NTN1: variants seen among roughly 807,000 people sequenced by gnomAD.
The protein encoded by NTN1 is netrin 1.
NTN1 carries 11 observed loss-of-function variants against 54.2 expected under a neutral mutation model. The observed-to-expected ratio is 0.20, with a 90% confidence interval of 0.13 to 0.34. NTN1 has a LOEUF of 0.34. Among genes scored for constraint, NTN1 ranks in the 10% least tolerant of loss-of-function variants. The pLI is 1.00. For missense variants in NTN1, 740 were observed against 893.1 expected (o/e 0.83, Z 2.18); for synonymous variants, 371 against 382.0 (o/e 0.97, Z 0.33).
intron 2 of NTN1, among the ~76,000 whole-genome samples, chr17:9,140,434 G>A (rs1014212899): frequency 2.0e-5 from 3 of 152,210 alleles, no homozygotes; most frequent in Admixed American, 1.3e-4. Context: ...ATAAAAAAAT[G>A]CATCTCTGAG....
intron 5 of NTN1, among the ~76,000 whole-genome samples, chr17:9,185,879 G>A (rs1341803291): frequency 1.3e-5 from 2 of 152,184 alleles, no homozygotes; most frequent in Non-Finnish European, 2.9e-5. Flanking sequence ...CCTGGGGTTT[G>A]CCCTGCACTG....
chr17:9,024,585 T>A (rs1045068642), intron 2 of NTN1, among the ~76,000 whole-genome samples: 1 of 152,202 alleles, frequency 6.6e-6, no homozygotes, highest in African/African-American at 2.4e-5. Flanking sequence ...ATTAATTGTG[T>A]CATGTTGTTG....
intron 2 of NTN1, among the ~76,000 whole-genome samples, chr17:9,056,042 T>A (rs1172815893): frequency 6.6e-6 from 1 of 150,404 alleles, no homozygotes; most frequent in Non-Finnish European, 1.5e-5. Context: ...GGACTACAGG[T>A]GCACACCATT....
intron 2 of NTN1, among the ~76,000 whole-genome samples, chr17:9,057,561 T>G (rs959480609): frequency 2.0e-5 from 3 of 152,174 alleles, no homozygotes; most frequent in Admixed American, 6.6e-5. Flanking sequence ...TTTCATTGAT[T>G]TCTCGGGTAT....
the NTN1 span, among the ~76,000 whole-genome samples, chr17:9,011,305 T>G: frequency 4.0e-5 from 6 of 151,876 alleles, no homozygotes; most frequent in Non-Finnish European, 7.4e-5. Context: ...TAGGGAAGGA[T>G]CCTTTCCTTG....
intron 3 of NTN1, chr17:9,174,372 GAGA>G (rs375906747): frequency 3.3e-5 from 5 of 152,512 alleles, no homozygotes; most frequent in African/African-American, 1.2e-4. Context: ...GAGGGTCCTG[GAGA>G]AGAAGATGCT....
At chr17:9,083,362 C>G (rs577809598) in intron 2 of NTN1, among the ~76,000 whole-genome samples, 2 of 152,380 alleles carry the variant, frequency 1.3e-5, no homozygotes, top group South Asian at 4.1e-4. Context: ...TCCCACAGTG[C>G]TGGGGTTATG....
chr17:9,023,438 C>A (rs2091860180), intron 2 of NTN1, 47 bp downstream of exon 2: 1 of 1,339,524 alleles, frequency 7.5e-7, no homozygotes, highest in Non-Finnish European at 9.5e-7. Flanking sequence ...GGGCCGCGGG[C>A]GGGAGCTGCT....
At chr17:9,024,159 G>C (rs1312094636) in intron 2 of NTN1, among the ~76,000 whole-genome samples, 1 of 152,098 alleles carries the variant, frequency 6.6e-6, no homozygotes, top group Non-Finnish European at 1.5e-5. Context: ...TTTTTAAATA[G>C]GGTTTCATTT....
chr17:9,094,844 C>T (rs1322303409), intron 2 of NTN1, among the ~76,000 whole-genome samples: 1 of 152,000 alleles, frequency 6.6e-6, no homozygotes, highest in African/African-American at 2.4e-5. Flanking sequence ...CAAAAATTAG[C>T]CAGGCATGGT....
intron 2 of NTN1, among the ~76,000 whole-genome samples, chr17:9,108,973 TTCAAGCGATTC>T (rs2092179571): frequency 1.3e-5 from 2 of 152,040 alleles, no homozygotes; most frequent in Admixed American, 6.6e-5. Flanking sequence ...GCCTCCTGGG[TTCAAGCGATTC>T]TCCTGCCTCA....
chr17:9,128,387 G>A (rs922033123), intron 2 of NTN1, among the ~76,000 whole-genome samples: 1 of 151,998 alleles, frequency 6.6e-6, no homozygotes, highest in Non-Finnish European at 1.5e-5. Context: ...GCAGGGAGAG[G>A]TGTTGAGAGG....
At chr17:9,083,728 A>G (rs1472402748) in intron 2 of NTN1, among the ~76,000 whole-genome samples, 1 of 152,240 alleles carries the variant, frequency 6.6e-6, no homozygotes, top group Non-Finnish European at 1.5e-5. Context: ...TAGAGGACAT[A>G]GAAGGACAGG....
At chr17:9,123,893 ATGT>A (rs1438968519) in intron 2 of NTN1, among the ~76,000 whole-genome samples, 2 of 152,180 alleles carry the variant, frequency 1.3e-5, no homozygotes, top group African/African-American at 4.8e-5. Flanking sequence ...AGGGTTATTC[ATGT>A]TGTTGTACCA....
intron 2 of NTN1, among the ~76,000 whole-genome samples, chr17:9,053,664 C>T (rs539357556): frequency 6.6e-6 from 1 of 152,318 alleles, no homozygotes; most frequent in South Asian, 2.1e-4. Context: ...ATGCTTAGTA[C>T]ATATACAGTG....
intron 2 of NTN1, among the ~76,000 whole-genome samples, chr17:9,120,074 T>C (rs1194978739): frequency 6.6e-6 from 1 of 151,626 alleles, no homozygotes; most frequent in Non-Finnish European, 1.5e-5. Flanking sequence ...AGGTCAGGAG[T>C]TCGAGACCAT....
At chr17:9,007,560 TTTTA>T in the NTN1 span, among the ~76,000 whole-genome samples, 7 of 149,972 alleles carry the variant, frequency 4.7e-5, no homozygotes, top group East Asian at 7.9e-4. Context: ...CTTTCTTTTC[TTTTA>T]TTTCTTTTCT....
intron 2 of NTN1, among the ~76,000 whole-genome samples, chr17:9,113,912 C>T (rs529726235): frequency 6.6e-6 from 1 of 151,708 alleles, no homozygotes; most frequent in African/African-American, 2.4e-5. Flanking sequence ...CCTGTAATCC[C>T]AGCATTTTGG....
At chr17:9,024,336 C>A (rs2091863289) in intron 2 of NTN1, among the ~76,000 whole-genome samples, 2 of 152,218 alleles carry the variant, frequency 1.3e-5, no homozygotes, top group Admixed American at 1.3e-4. Flanking sequence ...GGTAGCAAGA[C>A]TACACCTTAC....
Sources: gnomAD v4.1 joint callset for allele counts (sites outside exome capture counted in the v4.1 genomes callset) on GRCh38, gnomAD v4.1.1 for gene constraint, MANE v1.5 for transcripts, NCBI Gene and HGNC (gene_info 2026-07-23, HGNC 2026-07-21) for gene names.